CAMK1D: variants seen among roughly 807,000 people sequenced by gnomAD.
The protein encoded by CAMK1D is calcium/calmodulin-dependent protein kinase type 1D.
CAMK1D carries 9 observed loss-of-function variants against 47.7 expected under a neutral mutation model. That is an observed-to-expected ratio of 0.19 (90% CI 0.11 to 0.33). The LOEUF (loss-of-function observed/expected upper bound fraction) is 0.33. CAMK1D is among the 10% of genes least tolerant of loss of function. The probability of loss-of-function intolerance (pLI) is 1.00; values close to 1 mark genes in which losing one functional copy is unlikely to be tolerated. For missense variants in CAMK1D, 291 were observed against 488.7 expected (o/e 0.60, Z 3.81); for synonymous variants, 184 against 184.9 (o/e 0.99, Z 0.04).
chr10:12,389,949 C>T (rs1033966245), intron 1 of CAMK1D, among the ~76,000 whole-genome samples: 1 of 151,872 alleles, frequency 6.6e-6, no homozygotes, highest in Non-Finnish European at 1.5e-5. Flanking sequence ...GCTATTTTTC[C>T]TGTGGGTCAT....
intron 3 of CAMK1D, among the ~76,000 whole-genome samples, chr10:12,751,890 C>T (rs1433597304): frequency 6.6e-6 from 1 of 150,636 alleles, no homozygotes; most frequent in African/African-American, 2.4e-5. Flanking sequence ...CCAACAAAGG[C>T]AGTGAGTAAA....
intron 1 of CAMK1D, among the ~76,000 whole-genome samples, chr10:12,396,260 C>G (rs892335595): frequency 3.9e-5 from 6 of 152,348 alleles, no homozygotes; most frequent in African/African-American, 1.4e-4. Flanking sequence ...GTCAGCCCCT[C>G]TCCTGCTGGG....
At chr10:12,638,260 T>A (rs962670391) in intron 2 of CAMK1D, among the ~76,000 whole-genome samples, 2 of 152,188 alleles carry the variant, frequency 1.3e-5, no homozygotes, top group African/African-American at 4.8e-5. Context: ...CTCCCAGGTC[T>A]CTTTAGCAGC....
intron 4 of CAMK1D, among the ~76,000 whole-genome samples, chr10:12,764,547 G>C (rs553891374): frequency 6.6e-6 from 1 of 152,174 alleles, no homozygotes; most frequent in East Asian, 1.9e-4. Flanking sequence ...CCAGGATTAT[G>C]CCTTGTTTAG....
chr10:12,727,032 G>A (rs540461400), intron 3 of CAMK1D, among the ~76,000 whole-genome samples: 9 of 152,330 alleles, frequency 5.9e-5, no homozygotes, highest in East Asian at 3.9e-4. Flanking sequence ...CCCCTTCCGC[G>A]TTATCCTCAG....
intron 5 of CAMK1D, among the ~76,000 whole-genome samples, chr10:12,783,918 C>T (rs376719870): frequency 9.9e-5 from 15 of 152,134 alleles, no homozygotes; most frequent in Non-Finnish European, 2.1e-4. Context: ...ATGAGTTAAT[C>T]GTGGTCTCTG....
rs532753394 is a variant in CAMK1D at position 12,556,492 on chromosome 10, G to T, written c.224+3136G>T. 5.3e-5 allele frequency among the ~76,000 whole-genome samples: 8 copies of T among 152,228 alleles called. No individual in the cohort carries two copies. In the East Asian group the frequency reaches 1.5e-3, roughly 29 times the overall value. On this transcript the variant is annotated intron_variant, in intron 2 of 10. Coordinates refer to ENST00000619168, the MANE Select transcript of CAMK1D (RefSeq NM_153498.4). ...TCCTTTGGGGTGGGATGGGAGGAGA[G>T]GATTCATGGAGGAGGAGGGCCTGGA...
intron 2 of CAMK1D, among the ~76,000 whole-genome samples, chr10:12,582,902 G>T (rs12570522): frequency 2.9e-4 from 44 of 152,286 alleles, no homozygotes; most frequent in African/African-American, 1.1e-3. Flanking sequence ...GCACATGGTA[G>T]TCCAGGACGC....
chr10:12,738,474 C>G (rs1273256124), intron 3 of CAMK1D, among the ~76,000 whole-genome samples: 5 of 152,164 alleles, frequency 3.3e-5, no homozygotes, highest in Non-Finnish European at 5.9e-5. Context: ...GATATTTATG[C>G]CAACTTGATC....
intron 1 of CAMK1D, among the ~76,000 whole-genome samples, chr10:12,494,886 G>A (rs143494723): frequency 6.6e-6 from 1 of 152,054 alleles, no homozygotes; most frequent in Non-Finnish European, 1.5e-5. Context: ...GAATTTTCTT[G>A]TGACTTTTCA....
intron 1 of CAMK1D, among the ~76,000 whole-genome samples, chr10:12,513,358 A>G (rs1353808869): frequency 6.6e-6 from 1 of 152,120 alleles, no homozygotes; most frequent in Non-Finnish European, 1.5e-5. Context: ...CACTGTTGTA[A>G]ATCTGTGGGC....
chr10:12,353,615 T>A (rs1837413508), intron 1 of CAMK1D, among the ~76,000 whole-genome samples: 1 of 152,150 alleles, frequency 6.6e-6, no homozygotes, highest in African/African-American at 2.4e-5. Flanking sequence ...GAGAAAGGAC[T>A]GGGCTTTGTG....
chr10:12,710,004 A>G (rs1424652087), intron 3 of CAMK1D, among the ~76,000 whole-genome samples: 1 of 152,168 alleles, frequency 6.6e-6, no homozygotes. Context: ...TCTTCAAGTT[A>G]CCGTGTGACT....
In CAMK1D at chr10:12,403,352, A is replaced by G. The variant is rs531897280; in HGVS notation, c.92+53442A>G. Among the ~76,000 whole-genome samples, 7 of 152,288 alleles carry G rather than the reference A, an allele frequency of 4.6e-5. No homozygotes were observed. In the South Asian group the frequency reaches 1.0e-3, roughly 23 times the overall value. On this transcript the variant is annotated intron_variant, in intron 1 of 10. Transcript: ENST00000619168. Reference sequence around the variant, plus strand: ...TCAGGTGGACGTTGTTCACCCCTTCATGGGTGTGGGACCTTGGGTGAGTCC... The same window carrying G: ...TCAGGTGGACGTTGTTCACCCCTTCGTGGGTGTGGGACCTTGGGTGAGTCC...
intron 2 of CAMK1D, among the ~76,000 whole-genome samples, chr10:12,626,984 T>G (rs934261761): frequency 6.6e-6 from 1 of 152,182 alleles, no homozygotes. Flanking sequence ...TCATAAGATA[T>G]ATTGATTACA....
At chr10:12,515,402 C>CTTTTTTTTTTTTTTT (rs772694725) in intron 1 of CAMK1D, among the ~76,000 whole-genome samples, 3 of 102,028 alleles carry the variant, frequency 2.9e-5, no homozygotes, top group East Asian at 2.7e-4. Flanking sequence ...TTTTCCTTTT[C>CTTTTTTTTTTTTTTT]TTTTTTTTTT....
chr10:12,734,405 T>C (rs796317566), intron 3 of CAMK1D, among the ~76,000 whole-genome samples: 2,794 of 23,172 alleles, frequency 0.12, 378 homozygotes, highest in South Asian at 0.41. Context: ...TATATATATA[T>C]ACACACACAC....
At chr10:12,549,522 G>A (rs1836510248) in intron 1 of CAMK1D, among the ~76,000 whole-genome samples, 1 of 152,202 alleles carries the variant, frequency 6.6e-6, no homozygotes, top group Non-Finnish European at 1.5e-5. Flanking sequence ...GGTTGTCCAC[G>A]CACCTGTTCA....
chr10:12,615,759 CGTAG>C (rs1273384839), intron 2 of CAMK1D, among the ~76,000 whole-genome samples: 1 of 143,604 alleles, frequency 7.0e-6, no homozygotes, highest in African/African-American at 2.6e-5. Flanking sequence ...TAGTTGTGTG[CGTAG>C]GTGTGTGTAA....
Sources: gnomAD v4.1 joint callset for allele counts (sites outside exome capture counted in the v4.1 genomes callset) on GRCh38, gnomAD v4.1.1 for gene constraint, MANE v1.5 for transcripts, NCBI Gene and HGNC (gene_info 2026-07-23, HGNC 2026-07-21) for gene names.